Variants in SDK1 observed in about 807,000 individuals in gnomAD.
SDK1 encodes sidekick cell adhesion molecule 1, also known as protein sidekick-1.
A neutral mutation model predicts 245.5 loss-of-function variants in SDK1; 157 were observed. The observed-to-expected ratio is 0.64, with a 90% CI of 0.56 to 0.73. The LOEUF (loss-of-function observed/expected upper bound fraction) is 0.73, where lower values mean the gene tolerates loss of function less well. SDK1 is among the 30% of genes least tolerant of loss of function. The probability of loss-of-function intolerance (pLI) is 0.00; values close to 1 mark genes in which losing one functional copy is unlikely to be tolerated. For missense variants in SDK1, 3,583 were observed against 3,002.3 expected, an observed-to-expected ratio of 1.19 and a Z score of -4.52; for synonymous variants, 1,647 against 1,278.5, an observed-to-expected ratio of 1.29 and a Z score of -6.15.
intron 7 of SDK1, among the ~76,000 whole-genome samples, chr7:3,954,111 G>C (rs916823354): frequency 0.019 from 2 of 106 alleles, no homozygotes; most frequent in African/African-American, 0.083. Context: ...TAGTTGGGCT[G>C]TTTGCCCACC....
intron 5 of SDK1, among the ~76,000 whole-genome samples, chr7:3,826,343 C>T (rs1396492845): frequency 2.0e-5 from 3 of 152,192 alleles, no homozygotes; most frequent in Non-Finnish European, 2.9e-5. Flanking sequence ...GCGCAATATG[C>T]ACTTTGTGAA....
chr7:4,129,811 G>T, intron 26 of SDK1, 97 bp from the exon 27 acceptor site: 1 of 1,562,198 alleles, frequency 6.4e-7, no homozygotes. Flanking sequence ...AGCACAGTTG[G>T]CTGGGCCTTG....
intron 1 of SDK1, among the ~76,000 whole-genome samples, chr7:3,342,941 T>C (rs1780386785): frequency 2.6e-5 from 4 of 151,200 alleles, no homozygotes; most frequent in African/African-American, 9.7e-5. Context: ...ACATTCAGTA[T>C]TACTAGCCAT....
At chr7:4,225,005 AAAAAAAAAAAAAG>A in intron 40 of SDK1, among the ~76,000 whole-genome samples, 1 of 146,586 alleles carries the variant, frequency 6.8e-6, no homozygotes, top group African/African-American at 2.6e-5. Flanking sequence ...AAAAAAAAAA[AAAAAAAAAAAAAG>A]ACACCCGCAC....
intron 5 of SDK1, among the ~76,000 whole-genome samples, chr7:3,838,454 C>A (rs894316268): frequency 1.3e-5 from 2 of 152,216 alleles, no homozygotes; most frequent in African/African-American, 4.8e-5. Context: ...TCAGCTGAGG[C>A]ATTGGGAAGA....
intron 1 of SDK1, among the ~76,000 whole-genome samples, chr7:3,573,130 G>A (rs190211438): frequency 5.5e-4 from 84 of 152,176 alleles, no homozygotes; most frequent in African/African-American, 1.6e-3. Flanking sequence ...AGAGCAGTGG[G>A]GTGCTATAGT....
chr7:3,425,081 G>A (rs1779638687), intron 1 of SDK1, among the ~76,000 whole-genome samples: 1 of 147,260 alleles, frequency 6.8e-6, no homozygotes, highest in Non-Finnish European at 1.5e-5. Context: ...TGAGGCCTAT[G>A]TTTTTTCAAA....
At chr7:4,205,047 G>A (rs1223312470) in intron 35 of SDK1, among the ~76,000 whole-genome samples, 1 of 152,182 alleles carries the variant, frequency 6.6e-6, no homozygotes, top group Non-Finnish European at 1.5e-5. Context: ...GTGTCCTTTG[G>A]TTTGCGTGTG....
rs111649831 is a variant in SDK1, at chr7:4,114,293, C to T, written c.3823+19C>T. 6.4e-7 allele frequency: 1 copy of T among 1,565,528 alleles called. No individual in the cohort carries two copies. The highest frequency in any genetic ancestry group is 1.3e-5 in the African/African-American group (1 of 74,122). On this transcript the variant is annotated intron_variant, in intron 25 of 44. Transcript: ENST00000404826. ...GAGTCAGGTGAGGGGAAGGCGATTC[C>T]CATCCTGGAGACACCGCATTAGAGA...
chr7:4,106,159 G>A (rs1042740968), intron 22 of SDK1, among the ~76,000 whole-genome samples: 1 of 152,146 alleles, frequency 6.6e-6, no homozygotes, highest in South Asian at 2.1e-4. Context: ...CCAGACACTC[G>A]CTGCTCAGAA....
At chr7:3,506,508 C>T (rs898693727) in intron 1 of SDK1, among the ~76,000 whole-genome samples, 22 of 152,050 alleles carry the variant, frequency 1.4e-4, no homozygotes, top group Admixed American at 3.9e-4. Context: ...AAATTTTTAA[C>T]ATTGTATTTT....
intron 4 of SDK1, among the ~76,000 whole-genome samples, chr7:3,685,563 A>G (rs571151862): frequency 4.0e-4 from 61 of 152,310 alleles, no homozygotes; most frequent in Non-Finnish European, 6.3e-4. Context: ...TACACAATCA[A>G]ACTTCTGTTG....
chr7:4,223,845 G>T (rs942818335), intron 40 of SDK1, among the ~76,000 whole-genome samples: 1 of 152,098 alleles, frequency 6.6e-6, no homozygotes, highest in Non-Finnish European at 1.5e-5. Flanking sequence ...GAGTACTTTC[G>T]TATGACTTCC....
At chr7:3,700,613 A>G (rs1177557750) in intron 4 of SDK1, among the ~76,000 whole-genome samples, 1 of 152,230 alleles carries the variant, frequency 6.6e-6, no homozygotes, top group Non-Finnish European at 1.5e-5. Context: ...CAAGTAACAG[A>G]AAAGCAAAAA....
intron 4 of SDK1, among the ~76,000 whole-genome samples, chr7:3,729,703 G>T (rs1026076275): frequency 3.9e-5 from 6 of 152,160 alleles, no homozygotes; most frequent in African/African-American, 1.4e-4. Flanking sequence ...CCCTAGGTCA[G>T]CTTCACAATG....
chr7:3,952,554 A>G (rs1039794221), intron 7 of SDK1, among the ~76,000 whole-genome samples: 10 of 152,154 alleles, frequency 6.6e-5, no homozygotes, highest in Non-Finnish European at 1.5e-4. Context: ...TTGCAACCCA[A>G]TCTGGGCCAC....
At position 4,145,650 on chromosome 7, in the gene SDK1, G is replaced by T. The variant is rs899787640; in HGVS notation, c.4229-72G>T. The stretch of plus-strand genomic sequence containing the variant: ...ATGGCCTTCCAGGGGTCAGCACAGG[G>T]TGTGGGCACAGGGCTTCCCTGTGCC... On this transcript the variant is annotated intron_variant, in intron 28 of 44. Transcript: ENST00000404826. 5.1e-6 allele frequency: 7 copies of T among 1,366,362 alleles called. No homozygotes were observed. The African/African-American group carries it at 5.8e-5, about 11-fold the overall frequency. The allele number at this position is 1,366,362 out of a possible 1,614,324, so 84.6% of individuals were successfully genotyped here. A position where few individuals can be genotyped will look rare whatever the true frequency, so the allele number is the denominator to read the frequency against.
intron 1 of SDK1, among the ~76,000 whole-genome samples, chr7:3,505,697 G>C (rs1782370629): frequency 6.6e-6 from 1 of 152,122 alleles, no homozygotes. Flanking sequence ...CTCTATGTCT[G>C]TGAATTCTGC....
At chr7:3,418,911 A>G (rs1273511812) in intron 1 of SDK1, among the ~76,000 whole-genome samples, 9 of 152,202 alleles carry the variant, frequency 5.9e-5, no homozygotes. Context: ...GAACTCGTAT[A>G]TGTAAAAAGA....
Sources: gnomAD v4.1 joint callset for allele counts (sites outside exome capture counted in the v4.1 genomes callset) on GRCh38, gnomAD v4.1.1 for gene constraint, MANE v1.5 for transcripts, NCBI Gene and HGNC (gene_info 2026-07-23, HGNC 2026-07-21) for gene names.